MEGF9: variants seen among roughly 807,000 people sequenced by gnomAD.
The protein encoded by MEGF9 is multiple EGF like domains 9.
Under a neutral mutation model 46.8 loss-of-function variants are expected in MEGF9, and 6 were observed. That is an observed-to-expected ratio of 0.13 (90% CI 0.07 to 0.25). The LOEUF is 0.25. Ranked by LOEUF, MEGF9 falls within the 10% of genes least tolerant of loss-of-function variation. The pLI is 1.00. For synonymous variants in MEGF9, 302 were observed against 330.7 expected (o/e 0.91, Z 0.94); for missense variants, 683 against 792.4 (o/e 0.86, Z 1.66).
At chr9:120,699,461 T>C (rs1447456993) in intron 1 of MEGF9, among the ~76,000 whole-genome samples, 4 of 151,990 alleles carry the variant, frequency 2.6e-5, no homozygotes, top group Non-Finnish European at 4.4e-5. Flanking sequence ...CTCACACCTG[T>C]AATGCCAACA....
intron 1 of MEGF9, among the ~76,000 whole-genome samples, chr9:120,662,503 G>T (rs905138831): frequency 1.3e-5 from 2 of 152,198 alleles, no homozygotes; most frequent in Non-Finnish European, 2.9e-5. Flanking sequence ...TATGAGCACA[G>T]ATTGTAGACG....
At chr9:120,623,129 C>A (rs998468659) in intron 2 of MEGF9, among the ~76,000 whole-genome samples, 2 of 152,168 alleles carry the variant, frequency 1.3e-5, no homozygotes, top group Non-Finnish European at 2.9e-5. Context: ...TATTTTACTA[C>A]TGAGAAAATT....
At chr9:120,695,407 C>T (rs898802801) in intron 1 of MEGF9, among the ~76,000 whole-genome samples, 1 of 151,888 alleles carries the variant, frequency 6.6e-6, no homozygotes. Flanking sequence ...AGTTCAAGAG[C>T]AGCCTGGCCA....
At chr9:120,613,483 TA>T (rs1218415407) in intron 3 of MEGF9, among the ~76,000 whole-genome samples, 1 of 152,058 alleles carries the variant, frequency 6.6e-6, no homozygotes, top group African/African-American at 2.4e-5. Flanking sequence ...TAATCTTTAT[TA>T]TTAATAATTC....
In MEGF9 at chr9:120,608,924, C is replaced by T. The variant is rs139980968; in HGVS notation, c.1088-914G>A. Among the ~76,000 whole-genome samples, 12 of 152,310 alleles carry T rather than the reference C, an allele frequency of 7.9e-5. No homozygotes were observed. In the East Asian group the frequency reaches 2.1e-3, roughly 27 times the overall value. Reference sequence around the variant, plus strand: ...CTCTTTCCATTCCCACTGGAGTGATCTTAGATTAAGCCTTCATCATTTCTC... The same window carrying T: ...CTCTTTCCATTCCCACTGGAGTGATTTTAGATTAAGCCTTCATCATTTCTC... On this transcript the variant is annotated intron_variant, in intron 4 of 5. Coordinates refer to ENST00000373930, the MANE Select transcript of MEGF9 (RefSeq NM_001080497.3).
chr9:120,627,007 A>G (rs1188444223), intron 2 of MEGF9, among the ~76,000 whole-genome samples: 1 of 152,232 alleles, frequency 6.6e-6, no homozygotes, highest in Non-Finnish European at 1.5e-5. Context: ...GTTGGCAAAG[A>G]CAGGGAAGAC....
At chr9:120,693,275 C>CAAAAAAAAAA (rs10633158) in intron 1 of MEGF9, among the ~76,000 whole-genome samples, 11 of 104,418 alleles carry the variant, frequency 1.1e-4, no homozygotes, top group South Asian at 3.4e-4. Flanking sequence ...TCTGGTTAAC[C>CAAAAAAAAAA]AAAAAAAAAA....
chr9:120,679,937 C>CAAAA (rs34290703), intron 1 of MEGF9, among the ~76,000 whole-genome samples: 1 of 118,620 alleles, frequency 8.4e-6, no homozygotes, highest in Non-Finnish European at 1.7e-5. Flanking sequence ...GACTCCGTCT[C>CAAAA]AAAAAAAAAA....
chr9:120,668,195 T>C (rs190585357), intron 1 of MEGF9, among the ~76,000 whole-genome samples: 16 of 152,310 alleles, frequency 1.1e-4, no homozygotes, highest in Non-Finnish European at 7.4e-5. Context: ...GAAAAGGAAT[T>C]ATCAACACAA....
chr9:120,625,274 G>A (rs1488214457), intron 2 of MEGF9, among the ~76,000 whole-genome samples: 1 of 152,212 alleles, frequency 6.6e-6, no homozygotes, highest in Admixed American at 6.5e-5. Flanking sequence ...TACAGAAAGA[G>A]TAATTCATGC....
rs2043398858 is a variant in MEGF9 at position 120,602,061 on chromosome 9, G to A, written c.*3129C>T. ...GTCTTGCTCTGTCGCCCAGGCTGGA[G>A]TGAAATGGCGCCATCTCGGCTCACT... On this transcript the variant is annotated 3_prime_UTR_variant, in exon 6 of 6. Coordinates refer to ENST00000373930, the MANE Select transcript of MEGF9 (RefSeq NM_001080497.3). 1 of 152,146 alleles carries A rather than the reference G, an allele frequency of 6.6e-6. No homozygotes were observed. The highest frequency in any genetic ancestry group is 2.4e-5 in the African/African-American group (1 of 41,386). 9.4% of individuals were successfully genotyped at this position (152,146 alleles called of 1,614,324 possible).
At position 120,714,257 on chromosome 9, in the gene MEGF9, T is replaced by C; in HGVS notation, c.102A>G (p.Ser34=). The C allele has an allele frequency of 8.3e-7, 1 of 1,208,136 alleles. No homozygotes were observed. Among genetic ancestry groups the C allele is most frequent in the Non-Finnish European group, 1.0e-6 (1 of 983,422 alleles). 74.8% of individuals were successfully genotyped at this position (1,208,136 alleles called of 1,614,324 possible). A position where few individuals can be genotyped will look rare whatever the true frequency, so the allele number is the denominator to read the frequency against. Residue 34 remains serine (S), a synonymous_variant, in exon 1 of 6, where the codon TCA becomes TCG. Transcript: ENST00000373930. ...AAAAAAAAVA[S]AASAGNVTGG... Reference sequence around the variant, plus strand: ...CGGTGACATTCCCCGCCGAGGCGGCTGAGGCGACGGCGGCGGCGGCGGCGG... The same window carrying C: ...CGGTGACATTCCCCGCCGAGGCGGCCGAGGCGACGGCGGCGGCGGCGGCGG...
At chr9:120,667,716 A>C (rs550590593) in intron 1 of MEGF9, among the ~76,000 whole-genome samples, 3 of 152,338 alleles carry the variant, frequency 2.0e-5, no homozygotes, top group African/African-American at 7.2e-5. Context: ...ATGTACATCG[A>C]ATGAGTCTTT....
intron 2 of MEGF9, among the ~76,000 whole-genome samples, chr9:120,640,404 TCTTA>T (rs2043596993): frequency 1.3e-5 from 2 of 152,296 alleles, no homozygotes; most frequent in East Asian, 1.9e-4. Flanking sequence ...TTGTAATATT[TCTTA>T]CTATTTAATA....
chr9:120,655,642 T>A (rs1006482435), intron 2 of MEGF9, among the ~76,000 whole-genome samples: 1 of 152,100 alleles, frequency 6.6e-6, no homozygotes, highest in Admixed American at 6.5e-5. Context: ...ATGAAAAAAA[T>A]TACAATTCAT....
At chr9:120,611,652 G>A (rs1412508539) in intron 4 of MEGF9, among the ~76,000 whole-genome samples, 1 of 152,000 alleles carries the variant, frequency 6.6e-6, no homozygotes, top group Non-Finnish European at 1.5e-5. Context: ...TGGGGGAGGT[G>A]ATGAAAACTT....
intron 2 of MEGF9, among the ~76,000 whole-genome samples, chr9:120,625,910 C>T (rs1441440267): frequency 6.6e-6 from 1 of 151,174 alleles, no homozygotes; most frequent in African/African-American, 2.4e-5. Flanking sequence ...TGACTTCCTT[C>T]GTAGAATAAA....
chr9:120,709,001 C>T (rs570264272), intron 1 of MEGF9, among the ~76,000 whole-genome samples: 1 of 152,264 alleles, frequency 6.6e-6, no homozygotes, highest in Non-Finnish European at 1.5e-5. Context: ...TAGGAACTAA[C>T]CACATCAACA....
chr9:120,644,105 A>C (rs966648003), intron 2 of MEGF9, among the ~76,000 whole-genome samples: 1 of 152,160 alleles, frequency 6.6e-6, no homozygotes, highest in Admixed American at 6.5e-5. Context: ...AGATTTCCCT[A>C]ATTTTTCTAC....
Sources: allele counts gnomAD v4.1 joint callset (sites outside exome capture counted in the v4.1 genomes callset), GRCh38; gene constraint gnomAD v4.1.1; transcripts MANE v1.5; gene names NCBI Gene and HGNC (gene_info 2026-07-23, HGNC 2026-07-21).